Variants in STRBP observed in about 807,000 individuals in gnomAD.
The protein encoded by STRBP is spermatid perinuclear RNA-binding protein.
In STRBP, 13 loss-of-function variants were observed where a neutral mutation model predicts 80.1. That is an observed-to-expected ratio of 0.16 (90% CI 0.11 to 0.26). STRBP has a LOEUF of 0.26. STRBP is among the 10% of genes least tolerant of loss of function. The probability of loss-of-function intolerance (pLI) is 1.00; values close to 1 mark genes in which losing one functional copy is unlikely to be tolerated. For synonymous variants in STRBP, 284 were observed against 291.2 expected (o/e 0.98, Z 0.25); for missense variants, 485 against 815.2 (o/e 0.59, Z 4.93).
intron 11 of STRBP, among the ~76,000 whole-genome samples, chr9:123,154,532 T>C (rs1280441984): frequency 2.0e-5 from 3 of 151,908 alleles, no homozygotes; most frequent in Non-Finnish European, 2.9e-5. Context: ...ATTCTGTTTC[T>C]TACCCATGGC....
At chr9:123,151,427 G>A (rs2037052278) in intron 11 of STRBP, among the ~76,000 whole-genome samples, 1 of 152,166 alleles carries the variant, frequency 6.6e-6, no homozygotes, top group African/African-American at 2.4e-5. Context: ...AAACGACCAT[G>A]TGCTGGGGCA....
chr9:123,259,076 G>GGT (rs1564341476), intron 1 of STRBP, among the ~76,000 whole-genome samples: 3 of 128,822 alleles, frequency 2.3e-5, no homozygotes, highest in East Asian at 9.4e-4. Context: ...AAAAAAAAAA[G>GGT]GGGGGGGGAT....
intron 8 of STRBP, 114 bp downstream of exon 8, chr9:123,160,253 A>C: frequency 3.4e-6 from 2 of 582,258 alleles, no homozygotes; most frequent in Non-Finnish European, 5.5e-6. Flanking sequence ...AAACATACAT[A>C]ATGCATGCCT....
intron 2 of STRBP, among the ~76,000 whole-genome samples, chr9:123,191,435 G>A (rs1449444772): frequency 1.3e-5 from 2 of 152,042 alleles, no homozygotes; most frequent in African/African-American, 4.8e-5. Flanking sequence ...ACAGAAAGGT[G>A]GGGGTGAGGG....
intron 1 of STRBP, among the ~76,000 whole-genome samples, chr9:123,261,136 C>T (rs1470370612): frequency 6.6e-6 from 1 of 152,162 alleles, no homozygotes; most frequent in African/African-American, 2.4e-5. Flanking sequence ...AGGTTGCACA[C>T]CAGGCACTGT....
At chr9:123,227,768 T>A (rs2040285372) in intron 2 of STRBP, among the ~76,000 whole-genome samples, 1 of 151,960 alleles carries the variant, frequency 6.6e-6, no homozygotes, top group Admixed American at 6.5e-5. Flanking sequence ...TTTCACCATG[T>A]TGGCCAGGCT....
intron 2 of STRBP, among the ~76,000 whole-genome samples, chr9:123,210,605 G>T (rs1034679411): frequency 1.3e-5 from 2 of 152,118 alleles, no homozygotes; most frequent in African/African-American, 4.8e-5. Context: ...GGCTGAGGTG[G>T]ATCACGAGGT....
chr9:123,252,050 T>G (rs185545047), intron 1 of STRBP, among the ~76,000 whole-genome samples: 2 of 152,048 alleles, frequency 1.3e-5, no homozygotes, highest in Non-Finnish European at 2.9e-5. Flanking sequence ...TTAGCTCAAT[T>G]ATACAATACC....
chr9:123,144,457 G>A (rs554164105), intron 13 of STRBP, among the ~76,000 whole-genome samples: 1 of 152,076 alleles, frequency 6.6e-6, no homozygotes, highest in East Asian at 1.9e-4. Context: ...GAATACTAAA[G>A]ACTAAAAATA....
chr9:123,189,611 A>G (rs2038845255), intron 2 of STRBP, among the ~76,000 whole-genome samples: 1 of 151,844 alleles, frequency 6.6e-6, no homozygotes, highest in Non-Finnish European at 1.5e-5. Context: ...AAAACCAAAC[A>G]CTGCATGTCC....
intron 2 of STRBP, among the ~76,000 whole-genome samples, chr9:123,227,402 T>C (rs544189721): frequency 6.6e-6 from 1 of 152,150 alleles, no homozygotes; most frequent in East Asian, 1.9e-4. Context: ...GTGAATGCAG[T>C]AAGCCAAAGG....
At chr9:123,141,264 G>A (rs529226831) in intron 13 of STRBP, among the ~76,000 whole-genome samples, 8 of 152,232 alleles carry the variant, frequency 5.3e-5, no homozygotes, top group African/African-American at 1.9e-4. Flanking sequence ...AAGAGAACTC[G>A]AAATTAATTC....
intron 2 of STRBP, among the ~76,000 whole-genome samples, chr9:123,196,546 C>A (rs2039096433): frequency 1.3e-5 from 2 of 152,012 alleles, no homozygotes; most frequent in African/African-American, 4.8e-5. Context: ...AAAAAAAAAT[C>A]TAATAACCCA....
intron 2 of STRBP, among the ~76,000 whole-genome samples, chr9:123,224,368 A>G (rs1329532851): frequency 1.3e-5 from 2 of 152,206 alleles, no homozygotes; most frequent in Non-Finnish European, 2.9e-5. Context: ...CAGGAACTAA[A>G]CAGGGCTACC....
intron 13 of STRBP, among the ~76,000 whole-genome samples, chr9:123,141,932 A>G (rs1205614986): frequency 2.6e-5 from 4 of 152,224 alleles, no homozygotes; most frequent in African/African-American, 9.6e-5. Flanking sequence ...CTCTTAACCA[A>G]ACTCTAGACA....
At chr9:123,255,417 C>G (rs1259968541) in intron 1 of STRBP, among the ~76,000 whole-genome samples, 1 of 152,216 alleles carries the variant, frequency 6.6e-6, no homozygotes, top group Non-Finnish European at 1.5e-5. Flanking sequence ...GTTGGGAACA[C>G]TCAACTGCTC....
intron 4 of STRBP, among the ~76,000 whole-genome samples, chr9:123,177,240 T>TAC (rs2038260240): frequency 6.6e-6 from 1 of 152,118 alleles, no homozygotes; most frequent in South Asian, 2.1e-4. Context: ...GGAAAGACTG[T>TAC]ACATAGACAA....
intron 2 of STRBP, among the ~76,000 whole-genome samples, chr9:123,214,106 AT>A (rs1209269621): frequency 6.6e-6 from 1 of 150,576 alleles, no homozygotes; most frequent in East Asian, 1.9e-4. Context: ...CCATCAATCA[AT>A]GAGTGGATAA....
chr9:123,230,239 G>T (rs1353387725), intron 2 of STRBP, among the ~76,000 whole-genome samples: 1 of 152,098 alleles, frequency 6.6e-6, no homozygotes, highest in Non-Finnish European at 1.5e-5. Context: ...GAAAATAGGA[G>T]GCCAATGTGT....
Sources: allele counts gnomAD v4.1 joint callset (sites outside exome capture counted in the v4.1 genomes callset), GRCh38; gene constraint gnomAD v4.1.1; transcripts MANE v1.5; gene names NCBI Gene and HGNC (gene_info 2026-07-23, HGNC 2026-07-21).